Variants in RAB3C observed in about 807,000 individuals in gnomAD.
RAB3C encodes the protein RAB3C, member RAS oncogene family.
In RAB3C, 17 loss-of-function variants were observed where a neutral mutation model predicts 26.4. That is an observed-to-expected ratio of 0.64 (90% CI 0.44 to 0.97). The LOEUF is 0.97. Ranked by LOEUF, RAB3C falls within the 50% of genes least tolerant of loss-of-function variation. The pLI is 0.00. For synonymous variants in RAB3C, 91 were observed against 95.9 expected, an observed-to-expected ratio of 0.95 and a Z score of 0.30; for missense variants, 242 against 281.9, an observed-to-expected ratio of 0.86 and a Z score of 1.01.
intron 4 of RAB3C, among the ~76,000 whole-genome samples, chr5:58,837,555 C>T (rs1265960486): frequency 8.8e-6 from 1 of 113,450 alleles, no homozygotes; most frequent in Non-Finnish European, 1.9e-5. Flanking sequence ...GTTTCAGTCT[C>T]TCTTTTTTTT....
chr5:58,701,014 G>C (rs561306489), intron 2 of RAB3C, among the ~76,000 whole-genome samples: 1 of 146,106 alleles, frequency 6.8e-6, no homozygotes, highest in Admixed American at 6.8e-5. Context: ...TTATTTATTT[G>C]AGATGGACTC....
intron 2 of RAB3C, among the ~76,000 whole-genome samples, chr5:58,675,144 G>A (rs1328983972): frequency 6.6e-6 from 1 of 151,954 alleles, no homozygotes; most frequent in African/African-American, 2.4e-5. Flanking sequence ...GCACAAACCT[G>A]TCTCAGGCTC....
chr5:58,619,502 A>G (rs1425358225), intron 2 of RAB3C, among the ~76,000 whole-genome samples: 1 of 152,158 alleles, frequency 6.6e-6, no homozygotes, highest in East Asian at 1.9e-4. Flanking sequence ...TGGAAAATTA[A>G]ATTAATTTGG....
chr5:58,701,260 C>G (rs1012211498), intron 2 of RAB3C, among the ~76,000 whole-genome samples: 2 of 152,168 alleles, frequency 1.3e-5, no homozygotes, highest in Non-Finnish European at 2.9e-5. Context: ...CTTGGCCTCC[C>G]AAGGTGCTGG....
intron 2 of RAB3C, among the ~76,000 whole-genome samples, chr5:58,661,452 T>C (rs1172429342): frequency 1.3e-5 from 2 of 149,996 alleles, no homozygotes; most frequent in Admixed American, 6.6e-5. Flanking sequence ...TTAAAGATAT[T>C]CTTTGTTTAC....
chr5:58,830,589 G>T (rs987872194), intron 4 of RAB3C, among the ~76,000 whole-genome samples: 3 of 152,096 alleles, frequency 2.0e-5, no homozygotes, highest in Non-Finnish European at 4.4e-5. Context: ...CCTGATTTGG[G>T]AACTCTAAGA....
intron 3 of RAB3C, among the ~76,000 whole-genome samples, chr5:58,736,507 T>A (rs1741139398): frequency 6.6e-6 from 1 of 152,218 alleles, no homozygotes; most frequent in Admixed American, 6.5e-5. Flanking sequence ...CAGAGTATAC[T>A]TCGGCTTTGC....
Position 58,825,057 on chromosome 5 carries a change from T to C in RAB3C, c.391T>C (p.Tyr131His). ...TTTTAGGTCAACTCAAATCAAAACA[T>C]ACTCTTGGGACAATGCCCAAGTTAT... ...VQDWSTQIKT[Y>H]SWDNAQVILV... Residue 131 changes from tyrosine to histidine, a missense_variant, in exon 4 of 5, where the codon TAC (tyrosine) becomes CAC (histidine). Tyr to His is a moderately conservative substitution (Grantham distance 83). Coordinates refer to ENST00000282878, the MANE Select transcript of RAB3C (RefSeq NM_138453.4). 1 of 1,609,748 alleles carries C rather than the reference T, an allele frequency of 6.2e-7. No individual in the cohort carries two copies. The highest frequency in any genetic ancestry group is 8.5e-7 in the Non-Finnish European group (1 of 1,177,582).
intron 3 of RAB3C, among the ~76,000 whole-genome samples, chr5:58,749,930 G>A (rs1741485724): frequency 6.6e-6 from 1 of 152,102 alleles, no homozygotes; most frequent in South Asian, 2.1e-4. Flanking sequence ...AGAATTTATG[G>A]TTGTATGTGA....
At chr5:58,711,991 G>C (rs1749070580) in intron 2 of RAB3C, among the ~76,000 whole-genome samples, 1 of 152,134 alleles carries the variant, frequency 6.6e-6, no homozygotes, top group South Asian at 2.1e-4. Flanking sequence ...GGTAGAAAAT[G>C]CACAAAAGAT....
intron 2 of RAB3C, among the ~76,000 whole-genome samples, chr5:58,685,443 A>C (rs1457614888): frequency 1.3e-5 from 2 of 152,134 alleles, no homozygotes; most frequent in Non-Finnish European, 2.9e-5. Flanking sequence ...AAAAAGACTT[A>C]TGTGATTACA....
At chr5:58,748,092 T>C (rs144882537) in intron 3 of RAB3C, among the ~76,000 whole-genome samples, 2 of 152,114 alleles carry the variant, frequency 1.3e-5, no homozygotes, top group East Asian at 3.9e-4. Flanking sequence ...ATCTTTTTTA[T>C]TCCCATCCTC....
At chr5:58,813,592 T>TTA (rs869039335) in intron 3 of RAB3C, among the ~76,000 whole-genome samples, 2,513 of 46,800 alleles carry the variant, frequency 0.054, 40 homozygotes, top group Non-Finnish European at 0.082. Context: ...ATATTTATAT[T>TTA]TATATATATA....
intron 2 of RAB3C, among the ~76,000 whole-genome samples, chr5:58,635,481 T>G (rs1389073447): frequency 6.6e-6 from 1 of 152,224 alleles, no homozygotes; most frequent in Non-Finnish European, 1.5e-5. Flanking sequence ...CACAGAATAG[T>G]TCCCTGAGCT....
intron 2 of RAB3C, among the ~76,000 whole-genome samples, chr5:58,669,594 T>C (rs1748071282): frequency 6.6e-6 from 1 of 152,198 alleles, no homozygotes; most frequent in Non-Finnish European, 1.5e-5. Context: ...TGTGCACTAG[T>C]GCAGCTGAGA....
At chr5:58,587,005 C>G (rs1236828547) in intron 1 of RAB3C, among the ~76,000 whole-genome samples, 1 of 152,126 alleles carries the variant, frequency 6.6e-6, no homozygotes, top group East Asian at 1.9e-4. Context: ...GACATGTAGT[C>G]CTCATCCTTT....
chr5:58,615,695 G>A (rs747469710), intron 1 of RAB3C, among the ~76,000 whole-genome samples: 2 of 152,060 alleles, frequency 1.3e-5, no homozygotes, highest in Admixed American at 6.6e-5. Context: ...ACTGGGAAGC[G>A]TTTGTTATAG....
In RAB3C at chr5:58,855,597, G is replaced by A. The variant is rs1420453509; in HGVS notation, c.*4246G>A. On this transcript the variant is annotated 3_prime_UTR_variant, in exon 5 of 5. Coordinates refer to ENST00000282878, the MANE Select transcript of RAB3C (RefSeq NM_138453.4). ...CTGCCTGTGTGCATTGATTACCTTC[G>A]CTTTAGTAGTTTGCCTGTAAAATGG... is the stretch of plus-strand genomic sequence containing the variant. 1.3e-5 allele frequency: 2 copies of A among 152,136 alleles called. No individual in the cohort carries two copies. Among genetic ancestry groups the A allele is most frequent in the African/African-American group, 4.8e-5 (2 of 41,408 alleles). The allele number at this position is 152,136 out of a possible 1,614,324, so 9.4% of individuals were successfully genotyped here.
At chr5:58,605,120 C>T (rs185959343) in intron 1 of RAB3C, among the ~76,000 whole-genome samples, 58 of 152,254 alleles carry the variant, frequency 3.8e-4, no homozygotes, top group Admixed American at 9.8e-4. Context: ...GAGAGGAGGG[C>T]CTCCCTTTCT....
Sources: allele counts gnomAD v4.1 joint callset (sites outside exome capture counted in the v4.1 genomes callset), GRCh38; gene constraint gnomAD v4.1.1; transcripts MANE v1.5; gene names NCBI Gene and HGNC (gene_info 2026-07-23, HGNC 2026-07-21).